Variants in BMP2K observed in about 807,000 individuals in gnomAD.
BMP2K encodes the protein BMP-2-inducible protein kinase.
A neutral mutation model predicts 116.0 loss-of-function variants in BMP2K; 74 were observed. The observed-to-expected ratio is 0.64, with a 90% CI of 0.53 to 0.77. BMP2K has a LOEUF of 0.77. Ranked by LOEUF, BMP2K falls within the 30% of genes least tolerant of loss-of-function variation. The pLI is 0.00. For synonymous variants in BMP2K, 486 were observed against 502.5 expected (o/e 0.97, Z 0.44); for missense variants, 1,365 against 1,403.6 (o/e 0.97, Z 0.44).
intron 15 of BMP2K, among the ~76,000 whole-genome samples, chr4:78,902,997 ATGT>A (rs1290724107): frequency 6.6e-6 from 1 of 151,940 alleles, no homozygotes; most frequent in African/African-American, 2.4e-5. Flanking sequence ...AGCCTAAGAA[ATGT>A]TGTTTTAGGC....
At chr4:78,840,385 T>C (rs1730702171) in intron 3 of BMP2K, among the ~76,000 whole-genome samples, 1 of 152,146 alleles carries the variant, frequency 6.6e-6, no homozygotes, top group South Asian at 2.1e-4. Context: ...CATTGCCGGC[T>C]CAAATGCCTG....
At chr4:78,904,113 G>GA (rs1350160890) in intron 15 of BMP2K, among the ~76,000 whole-genome samples, 1 of 151,956 alleles carries the variant, frequency 6.6e-6, no homozygotes, top group Non-Finnish European at 1.5e-5. Flanking sequence ...AGAGATAAGA[G>GA]AAAGCCAAGG....
rs1187395723 is a variant in BMP2K, at chr4:78,911,128, G to A, written c.2581G>A (p.Val861Ile). 1 of 1,613,848 alleles carries A rather than the reference G, an allele frequency of 6.2e-7. No individual in the cohort carries two copies. Among genetic ancestry groups the A allele is most frequent in the African/African-American group, 1.3e-5 (1 of 74,904 alleles). The change falls in exon 16 of 16, where the codon GTC (valine) becomes ATC (isoleucine). Residue 861 changes from valine to isoleucine, a missense_variant. This residue lies in a region of BMP2K where 596 missense variants were observed against 623.2 expected (regional missense o/e 0.96). Coordinates refer to ENST00000502613, the MANE Select transcript of BMP2K (RefSeq NM_198892.2). ...ACAGGAGTTTGATGTATTTGGCGCTGTCCCCTTCTTTGCAGTGCGTGCTCA... is the reference window on the plus strand; with the variant it reads ...ACAGGAGTTTGATGTATTTGGCGCTATCCCCTTCTTTGCAGTGCGTGCTCA... ...PKQEFDVFGA[V>I]PFFAVRAQQP...
At chr4:78,884,848 T>A (rs993428209) in intron 14 of BMP2K, among the ~76,000 whole-genome samples, 1 of 152,206 alleles carries the variant, frequency 6.6e-6, no homozygotes. Flanking sequence ...CCACAATAAG[T>A]TAGGGACCCT....
chr4:78,894,966 A>T (rs1194183988), intron 15 of BMP2K, among the ~76,000 whole-genome samples: 1 of 152,208 alleles, frequency 6.6e-6, no homozygotes, highest in Non-Finnish European at 1.5e-5. Flanking sequence ...TGGTCGGTAG[A>T]TCAGTCAGAA....
At chr4:78,821,459 T>C (rs1424698759) in intron 1 of BMP2K, among the ~76,000 whole-genome samples, 4 of 152,180 alleles carry the variant, frequency 2.6e-5, no homozygotes, top group Non-Finnish European at 4.4e-5. Flanking sequence ...ACAGTGGTCT[T>C]GAGTTGAGGT....
chr4:78,835,515 G>C (rs902805342), intron 3 of BMP2K, among the ~76,000 whole-genome samples: 1 of 151,350 alleles, frequency 6.6e-6, no homozygotes, highest in African/African-American at 2.4e-5. Context: ...TGTAGTCCCA[G>C]CTCCTCGGGA....
At chr4:78,844,211 A>G (rs994499162) in intron 4 of BMP2K, among the ~76,000 whole-genome samples, 6 of 151,718 alleles carry the variant, frequency 4.0e-5, no homozygotes, top group African/African-American at 1.4e-4. Flanking sequence ...GCAGATTCAT[A>G]TTCTAATTGT....
At chr4:78,899,319 T>G (rs781609652) in intron 15 of BMP2K, among the ~76,000 whole-genome samples, 33 of 152,184 alleles carry the variant, frequency 2.2e-4, no homozygotes, top group Non-Finnish European at 3.7e-4. Flanking sequence ...TCAGCAAAAT[T>G]GGTGAAGTTC....
At chr4:78,879,246 C>T in intron 14 of BMP2K, 1 of 1,017,586 alleles carries the variant, frequency 9.8e-7, no homozygotes, top group Non-Finnish European at 1.2e-6. Flanking sequence ...GATTTTGCAG[C>T]TCTGTTTTTC....
At chr4:78,888,161 G>A (rs1733206380) in intron 15 of BMP2K, 2 of 152,114 alleles carry the variant, frequency 1.3e-5, no homozygotes. Flanking sequence ...GGAATATACA[G>A]GATAGTTTTT....
At chr4:78,820,969 C>T (rs1729590957) in intron 1 of BMP2K, 2 of 152,336 alleles carry the variant, frequency 1.3e-5, no homozygotes, top group Non-Finnish European at 2.9e-5. Context: ...GAAGCTTTAA[C>T]TTTTGATTTC....
intron 2 of BMP2K, among the ~76,000 whole-genome samples, chr4:78,829,795 C>T (rs1485802196): frequency 7.3e-5 from 6 of 81,838 alleles, no homozygotes; most frequent in African/African-American, 2.3e-4. Flanking sequence ...CTTTTCTCTT[C>T]TCTTCTCTTC....
chr4:78,901,021 A>G (rs1733972830), intron 15 of BMP2K, among the ~76,000 whole-genome samples: 1 of 152,108 alleles, frequency 6.6e-6, no homozygotes, highest in South Asian at 2.1e-4. Context: ...CAGATTAACC[A>G]TTTGATATTG....
rs2110109886 is a variant in BMP2K, at chr4:78,910,926, T to G, written c.2379T>G (p.Asp793Glu). ...GHRPLLMDSE[D>E]EEEEEKHSSD... ...GGCCTCTCCTCATGGATTCTGAAGA[T>G]GAGGAAGAAGAGGAGAAACATAGCT... The change falls in exon 16 of 16, where the codon GAT becomes GAG. Residue 793 changes from aspartate (D) to glutamate (E), a missense_variant. Physicochemically the swap from Asp to Glu is conservative, Grantham distance 45. Coordinates refer to ENST00000502613, the MANE Select transcript of BMP2K (RefSeq NM_198892.2). 1 of 1,613,834 alleles carries G rather than the reference T, an allele frequency of 6.2e-7. No homozygotes were observed. The highest frequency in any genetic ancestry group is 8.5e-7 in the Non-Finnish European group (1 of 1,179,832).
chr4:78,796,439 T>G (rs1728279997), intron 1 of BMP2K, among the ~76,000 whole-genome samples: 1 of 150,252 alleles, frequency 6.7e-6, no homozygotes, highest in African/African-American at 2.4e-5. Flanking sequence ...TAATGCTAGA[T>G]GACGAGTTAG....
At chr4:78,886,012 TTC>T (rs1373871056) in intron 14 of BMP2K, among the ~76,000 whole-genome samples, 1 of 152,188 alleles carries the variant, frequency 6.6e-6, no homozygotes, top group African/African-American at 2.4e-5. Context: ...GAAGTTAACA[TTC>T]TGTAAAGATC....
At chr4:78,903,022 AT>A (rs148378623) in intron 15 of BMP2K, among the ~76,000 whole-genome samples, 10,484 of 152,066 alleles carry the variant, frequency 0.069, 498 homozygotes, top group East Asian at 0.22. Flanking sequence ...TTGACTACAA[AT>A]TTTTAACTTT....
At chr4:78,793,300 C>T (rs1373831886) in intron 1 of BMP2K, among the ~76,000 whole-genome samples, 3 of 150,908 alleles carry the variant, frequency 2.0e-5, no homozygotes, top group African/African-American at 7.3e-5. Context: ...GTCCTAGCTA[C>T]TCGGGAGGCT....
Sources: gnomAD v4.1 joint callset for allele counts (sites outside exome capture counted in the v4.1 genomes callset) on GRCh38, gnomAD v4.1.1 for gene constraint, gnomAD v4.1.1 regional missense constraint, MANE v1.5 for transcripts, NCBI Gene and HGNC (gene_info 2026-07-23, HGNC 2026-07-21) for gene names.